JMY: variants seen among roughly 807,000 people sequenced by gnomAD.
JMY encodes the protein junction mediating and regulatory protein, p53 cofactor.
Under a neutral mutation model 103.3 loss-of-function variants are expected in JMY, and 46 were observed. That is an observed-to-expected ratio of 0.45 (90% CI 0.35 to 0.57). The LOEUF (loss-of-function observed/expected upper bound fraction) is 0.57, where lower values mean the gene tolerates loss of function less well. Ranked by LOEUF, JMY falls within the 20% of genes least tolerant of loss-of-function variation. The probability of loss-of-function intolerance (pLI) is 0.00; values close to 1 mark genes in which losing one functional copy is unlikely to be tolerated. For synonymous variants in JMY, 526 were observed against 489.3 expected (o/e 1.07, Z -0.99); for missense variants, 1,238 against 1,255.2 (o/e 0.99, Z 0.21).
chr5:79,284,936 C>A, intron 2 of JMY: 1 of 1,493,490 alleles, frequency 6.7e-7, no homozygotes, highest in Non-Finnish European at 9.2e-7. Context: ...GTCAGAGAGC[C>A]AAAAGGAAGT....
At chr5:79,279,345 T>A (rs535071734) in intron 2 of JMY, among the ~76,000 whole-genome samples, 18 of 152,206 alleles carry the variant, frequency 1.2e-4, no homozygotes, top group South Asian at 8.3e-4. Flanking sequence ...AAAATAAAAT[T>A]AAATTTTTTC....
At chr5:79,268,678 C>T (rs567248285) in intron 1 of JMY, among the ~76,000 whole-genome samples, 23 of 151,976 alleles carry the variant, frequency 1.5e-4, no homozygotes, top group African/African-American at 2.2e-4. Context: ...TTAATAGAGA[C>T]GGGGTTTCAC....
chr5:79,309,958 A>C (rs1033341837), intron 7 of JMY, among the ~76,000 whole-genome samples: 14 of 151,900 alleles, frequency 9.2e-5, no homozygotes, highest in East Asian at 1.9e-4. Context: ...GGAAGAACTA[A>C]TTAACTTTTT....
chr5:79,243,574 GAA>G (rs1204873219), intron 1 of JMY, among the ~76,000 whole-genome samples: 4 of 152,188 alleles, frequency 2.6e-5, no homozygotes, highest in African/African-American at 9.7e-5. Flanking sequence ...TTTCAAGACA[GAA>G]GATATGTCAA....
intron 2 of JMY, among the ~76,000 whole-genome samples, chr5:79,280,576 C>G (rs1240376822): frequency 6.6e-6 from 1 of 152,026 alleles, no homozygotes; most frequent in East Asian, 1.9e-4. Flanking sequence ...TATTCTTGAT[C>G]CTACTTGTGA....
Position 79,291,214 on chromosome 5 carries a change from A to G in JMY, c.1442A>G (p.Gln481Arg), listed in dbSNP as rs1298212259. ...AAAAERMEKL[Q>R]YAVSKETLQM... ...GCTGCTGAACGGATGGAAAAACTCCAGTATGCAGTTTCTAAGGAAACTTTG... is the reference window on the plus strand; with the variant it reads ...GCTGCTGAACGGATGGAAAAACTCCGGTATGCAGTTTCTAAGGAAACTTTG... The change falls in exon 4 of 11, where the codon CAG (glutamine) becomes CGG (arginine). Residue 481 changes from glutamine (Q) to arginine (R), a missense_variant. Transcript: ENST00000396137. The G allele has an allele frequency of 6.2e-7, 1 of 1,613,702 alleles. No individual in the cohort carries two copies. Among genetic ancestry groups the G allele is most frequent in the Admixed American group, 1.7e-5 (1 of 59,964 alleles).
intron 1 of JMY, among the ~76,000 whole-genome samples, chr5:79,257,396 A>G (rs1477018349): frequency 6.6e-6 from 1 of 152,162 alleles, no homozygotes; most frequent in Non-Finnish European, 1.5e-5. Context: ...TGAGTCCAAG[A>G]GTTCAAGAGC....
intron 8 of JMY, among the ~76,000 whole-genome samples, chr5:79,313,821 G>A (rs78319504): frequency 0.033 from 4,984 of 152,052 alleles, 94 homozygotes; most frequent in South Asian, 0.061. Context: ...AGGTACTTTC[G>A]GATTTTCTGT....
chr5:79,271,228 C>T (rs375372582), intron 1 of JMY, among the ~76,000 whole-genome samples: 23 of 151,080 alleles, frequency 1.5e-4, no homozygotes, highest in South Asian at 1.3e-3. Context: ...GAGAGAGTCT[C>T]GCTATGTTGC....
intron 1 of JMY, among the ~76,000 whole-genome samples, chr5:79,253,253 A>G (rs748730400): frequency 2.0e-5 from 3 of 150,898 alleles, no homozygotes; most frequent in Non-Finnish European, 4.4e-5. Flanking sequence ...TATATATCTT[A>G]TTGTAAGTTG....
rs540997494 is a variant in JMY at position 79,325,241 on chromosome 5, A to C, written c.*3639A>C. On this transcript the variant is annotated 3_prime_UTR_variant, in exon 11 of 11. Coordinates refer to ENST00000396137, the MANE Select transcript of JMY (RefSeq NM_152405.5). Reference sequence around the variant, plus strand: ...AAGGTTTTTGGGGTTTTCTTTTTTCAGCTTTATTATTGAAGTATTACAAAC... The same window carrying C: ...AAGGTTTTTGGGGTTTTCTTTTTTCCGCTTTATTATTGAAGTATTACAAAC... 1.3e-5 allele frequency: 2 copies of C among 152,120 alleles called. No individual in the cohort carries two copies. The highest frequency in any genetic ancestry group is 4.8e-5 in the African/African-American group (2 of 41,434). The allele number at this position is 152,120 out of a possible 1,614,324, so 9.4% of individuals were successfully genotyped here.
Position 79,314,575 on chromosome 5 carries a change from C to T in JMY, c.2383C>T (p.Pro795Ser). The T allele has an allele frequency of 6.2e-7, 1 of 1,614,134 alleles. No homozygotes were observed. Among genetic ancestry groups the T allele is most frequent in the Non-Finnish European group, 8.5e-7 (1 of 1,180,000 alleles). The change falls in exon 9 of 11, where the codon CCA becomes TCA. Residue 795 changes from proline (P) to serine (S), a missense_variant. By Grantham distance (74) the Pro-to-Ser change is moderately conservative. Coordinates refer to ENST00000396137, the MANE Select transcript of JMY (RefSeq NM_152405.5). ...SLPLLNNNLE[P>S]CSVTINPLPS... ...TCCACTTTTGAATAACAACCTCGAA[C>T]CATGTTCTGTTACCATAAATCCACT...
chr5:79,279,637 T>C (rs74345459), intron 2 of JMY, among the ~76,000 whole-genome samples: 3,162 of 152,282 alleles, frequency 0.021, 134 homozygotes, highest in African/African-American at 0.071. Flanking sequence ...ATTTTCTCTT[T>C]ACTAACGTAT....
rs773943515 is a variant in JMY at position 79,314,472 on chromosome 5, T to C, written c.2280T>C (p.Asp760=). Residue 760 remains aspartate, a synonymous_variant, in exon 9 of 11, where the codon GAT becomes GAC. Coordinates refer to ENST00000396137, the MANE Select transcript of JMY (RefSeq NM_152405.5). ...TEPQSLVQLE[D]TSLTQLEATS... The stretch of plus-strand genomic sequence containing the variant: ...CCCAGAGCCTTGTGCAACTTGAAGA[T>C]ACTTCATTAACACAACTTGAAGCCA... The C allele has an allele frequency of 6.2e-7, 1 of 1,614,140 alleles. No individual in the cohort carries two copies. Among genetic ancestry groups the C allele is most frequent in the Admixed American group, 1.7e-5 (1 of 60,032 alleles).
At chr5:79,300,573 C>A in intron 5 of JMY, 103 bp from the exon 6 acceptor site, 1 of 904,768 alleles carries the variant, frequency 1.1e-6, no homozygotes, top group Non-Finnish European at 1.6e-6. Flanking sequence ...GAGATAATGG[C>A]TTTGCCTGAG....
chr5:79,242,366 A>G (rs971973644), intron 1 of JMY, among the ~76,000 whole-genome samples: 1 of 152,214 alleles, frequency 6.6e-6, no homozygotes, highest in Non-Finnish European at 1.5e-5. Flanking sequence ...GAAAGGGCCT[A>G]ACAAAGTGCC....
Position 79,312,484 on chromosome 5 carries a change from C to T in JMY, c.2050C>T (p.Arg684Ter), listed in dbSNP as rs757801796. 5 of 1,545,206 alleles carry T rather than the reference C, an allele frequency of 3.2e-6. No individual in the cohort carries two copies. Among genetic ancestry groups the T allele is most frequent in the South Asian group, 1.3e-5 (1 of 79,142 alleles). ...QERQRTLDRL[R>*]TFKQRYPGQV... is the part of the protein sequence containing the mutation. ...GAGACAGAGAACACTGGATAGACTT[C>T]GAACATTTAAACAGGTATTAAAAGT... Residue 684 changes from arginine to a stop codon, truncating the protein, a stop_gained, in exon 8 of 11, where the codon CGA becomes TGA. Coordinates refer to ENST00000396137, the MANE Select transcript of JMY (RefSeq NM_152405.5). LOFTEE classifies it high-confidence loss of function.
At chr5:79,258,886 A>G (rs1012355742) in intron 1 of JMY, among the ~76,000 whole-genome samples, 4 of 152,148 alleles carry the variant, frequency 2.6e-5, no homozygotes, top group Non-Finnish European at 5.9e-5. Flanking sequence ...TGTTTGTGTT[A>G]CAGCTCTTTT....
At position 79,237,745 on chromosome 5, in the gene JMY, A is replaced by G. The variant is rs548956975; in HGVS notation, c.1032+63A>G. 3.4e-6 allele frequency: 5 copies of G among 1,459,240 alleles called. No homozygotes were observed. In the South Asian group the frequency reaches 5.2e-5, roughly 15 times the overall value. 90.4% of individuals were successfully genotyped at this position (1,459,240 alleles called of 1,614,324 possible). A position where few individuals can be genotyped will look rare whatever the true frequency, so the allele number is the denominator to read the frequency against. ...GCTTTTGGTTTACTGGCCAAACCAA[A>G]GGCTGGAGCCTCGGTGTCGGGTGTG... On this transcript the variant is annotated intron_variant, in intron 1 of 10. Transcript: ENST00000396137.
Sources: gnomAD v4.1 joint callset for allele counts (sites outside exome capture counted in the v4.1 genomes callset) on GRCh38, gnomAD v4.1.1 for gene constraint, MANE v1.5 for transcripts, NCBI Gene and HGNC (gene_info 2026-07-23, HGNC 2026-07-21) for gene names.